The following TTC8 variants were observed in gnomAD, a reference collection of about 807,000 sequenced individuals.
TTC8 encodes tetratricopeptide repeat domain 8.
Under a neutral mutation model 72.5 loss-of-function variants are expected in TTC8, and 47 were observed. The ratio of observed to expected loss-of-function variants is 0.65; its 90% CI spans 0.51 to 0.83. The LOEUF (loss-of-function observed/expected upper bound fraction) is 0.83, where lower values mean the gene tolerates loss of function less well. Among genes scored for constraint, TTC8 ranks in the 40% least tolerant of loss-of-function variants. The probability of loss-of-function intolerance (pLI) is 0.00; values close to 1 mark genes in which losing one functional copy is unlikely to be tolerated. For synonymous variants in TTC8, 199 were observed against 221.4 expected (o/e 0.90, Z 0.90); for missense variants, 611 against 623.2 (o/e 0.98, Z 0.21).
At chr14:88,864,654 G>A (rs1348107764) in intron 10 of TTC8, among the ~76,000 whole-genome samples, 1 of 152,214 alleles carries the variant, frequency 6.6e-6, no homozygotes, top group Non-Finnish European at 1.5e-5. Flanking sequence ...GGAGAGGAAA[G>A]CATCTTAGCT....
intron 13 of TTC8, 111 bp downstream of exon 13, chr14:88,872,563 C>T: frequency 2.0e-6 from 3 of 1,484,486 alleles, no homozygotes; most frequent in Non-Finnish European, 2.8e-6. Flanking sequence ...TAGAATCTGA[C>T]AGGCGTGGAT....
rs1404238187 is a variant in TTC8 at position 88,872,344 on chromosome 14, A to G, written c.1239A>G (p.Thr413=). 1 of 1,613,732 alleles carries G rather than the reference A, an allele frequency of 6.2e-7. No homozygotes were observed. The highest frequency in any genetic ancestry group is 8.5e-7 in the Non-Finnish European group (1 of 1,179,856). The part of the protein sequence containing the change: ...LGHVAVGIGD[T]NLAHQCFRLA... Reference sequence around the variant, plus strand: ...TTCTTTTGTAGGGAATAGGAGATACAAATTTGGCCCATCAGTGCTTCAGGC... The same window carrying G: ...TTCTTTTGTAGGGAATAGGAGATACGAATTTGGCCCATCAGTGCTTCAGGC... Residue 413 remains threonine, a synonymous_variant, in exon 13 of 15, where the codon ACA becomes ACG. Coordinates refer to ENST00000380656, the MANE Select transcript of TTC8 (RefSeq NM_144596.4).
intron 10 of TTC8, among the ~76,000 whole-genome samples, chr14:88,866,603 A>ACCGCCCC (rs1195344048): frequency 1.3e-5 from 2 of 152,082 alleles, no homozygotes; most frequent in African/African-American, 4.8e-5. Flanking sequence ...CATTGACTAT[A>ACCGCCCC]CCGCCCCCCT....
chr14:88,840,596 G>T (rs2094775553), intron 3 of TTC8, among the ~76,000 whole-genome samples: 1 of 152,050 alleles, frequency 6.6e-6, no homozygotes, highest in South Asian at 2.1e-4. Context: ...CTACTAATAG[G>T]TTGACCTGTT....
chr14:88,853,096 G>A lies in TTC8; in HGVS notation c.710+40G>A, dbSNP rs371065813. On this transcript the variant is annotated intron_variant, in intron 8 of 14. Transcript: ENST00000380656. ...TTGTGAAGGGCTTAGAAGTGGCCAC[G>A]TATTTTAGGGTCTCAAATCTGATAC... 1,231 of 1,437,220 alleles carry A rather than the reference G, an allele frequency of 8.6e-4. 2 individuals are homozygous for A. Among genetic ancestry groups the A allele is most frequent in the Non-Finnish European group, 8.9e-4 (910 of 1,021,058 alleles). 89.0% of individuals were successfully genotyped at this position (1,437,220 alleles called of 1,614,324 possible).
chr14:88,874,848 A>G (rs1265497340), intron 13 of TTC8, among the ~76,000 whole-genome samples, 178 bp from the exon 14 acceptor site: 9 of 151,994 alleles, frequency 5.9e-5, no homozygotes, highest in African/African-American at 2.2e-4. Context: ...TCAGTAGTTA[A>G]TTGTATTTCA....
At chr14:88,879,521 G>T (rs1480843992), downstream of TTC8, 1 of 151,954 alleles carries the variant, frequency 6.6e-6, no homozygotes, top group Non-Finnish European at 1.5e-5. Flanking sequence ...ATGTGTCATG[G>T]CTGAGCCAGT....
At chr14:88,837,497 G>T (rs1183295391) in intron 2 of TTC8, among the ~76,000 whole-genome samples, 1 of 152,170 alleles carries the variant, frequency 6.6e-6, no homozygotes, top group Non-Finnish European at 1.5e-5. Context: ...TACTCAGGAT[G>T]TAGCATGCAG....
intron 8 of TTC8, among the ~76,000 whole-genome samples, chr14:88,856,908 C>G (rs1290973085): frequency 6.6e-6 from 1 of 152,110 alleles, no homozygotes. Context: ...GGGTGGTGAA[C>G]TGATGTGACC....
At chr14:88,862,505 A>C (rs2094890182) in intron 10 of TTC8, among the ~76,000 whole-genome samples, 1 of 126,568 alleles carries the variant, frequency 7.9e-6, no homozygotes, top group East Asian at 2.5e-4. Flanking sequence ...AAAAATTGAT[A>C]CTGACATTAC....
In TTC8 at chr14:88,871,988, G is replaced by A. The variant is rs1414932833; in HGVS notation, c.1224+265G>A. Among the ~76,000 whole-genome samples the A allele has an allele frequency of 6.6e-6, 1 of 152,180 alleles. No homozygotes were observed. Among genetic ancestry groups the A allele is most frequent in the Non-Finnish European group, 1.5e-5 (1 of 68,030 alleles). The stretch of plus-strand genomic sequence containing the variant: ...GATCACTTGGGCCTAGAAGGTCAAG[G>A]CTGCAGTGAGCTGTGATCGTAGCAC... On this transcript the variant is annotated intron_variant, in intron 12 of 14. Coordinates refer to ENST00000380656, the MANE Select transcript of TTC8 (RefSeq NM_144596.4). The surrounding 1 kb of genome is among the most constrained non-coding windows in gnomAD (Gnocchi z 4.1).
rs1204738200 is a variant in TTC8, at chr14:88,874,512, AACTGATCAGCACTATATTAAAT to A, written c.1348-510_1348-489del. ...TATTCAATTGCTGTCTCACTAACAA[AACTGATCAGCACTATATTAAAT>A]ACTTGCTCACTGTCATCCAGCACAG... is the stretch of plus-strand genomic sequence containing the variant. On this transcript the variant is annotated intron_variant, in intron 13 of 14. Coordinates refer to ENST00000380656, the MANE Select transcript of TTC8 (RefSeq NM_144596.4). 6.6e-5 allele frequency among the ~76,000 whole-genome samples: 10 copies of A among 152,182 alleles called. No individual in the cohort carries two copies. The East Asian group carries it at 1.9e-3, about 29-fold the overall frequency.
rs367897453 is a variant in TTC8, at chr14:88,857,232, C to T, written c.753C>T (p.Ala251=). The T allele has an allele frequency of 1.4e-5, 22 of 1,613,620 alleles. No individual in the cohort carries two copies. The highest frequency in any genetic ancestry group is 6.7e-5 in the Admixed American group (4 of 59,968). The change falls in exon 9 of 15, where the codon GCC becomes GCT. Residue 251 remains alanine, a synonymous_variant. Transcript: ENST00000380656. ...AAGCAGAAAAACAGTTTAAATCAGC[C>T]CTGAAGCAGCAGGAAATGGTAGATA... ...YREAEKQFKS[A]LKQQEMVDTF...
At chr14:88,866,103 C>G (rs1308640506) in intron 10 of TTC8, among the ~76,000 whole-genome samples, 1 of 151,916 alleles carries the variant, frequency 6.6e-6, no homozygotes, top group African/African-American at 2.4e-5. Flanking sequence ...GAAGAAAACA[C>G]AGATGAATTA....
At position 88,877,215 on chromosome 14, in the gene TTC8, A is replaced by G. The variant is rs1484785473; in HGVS notation, c.1432-79A>G. The stretch of plus-strand genomic sequence containing the variant: ...TGAATTTCTACAGCATGCAGATACT[A>G]TGTCTTATTTTCTTTTTTACTTCCT... On this transcript the variant is annotated intron_variant, in intron 14 of 14. Coordinates refer to ENST00000380656, the MANE Select transcript of TTC8 (RefSeq NM_144596.4). 1.2e-5 allele frequency: 12 copies of G among 1,012,318 alleles called. No homozygotes were observed. In the Admixed American group the frequency reaches 1.3e-4, roughly 11 times the overall value. 62.7% of individuals were successfully genotyped at this position (1,012,318 alleles called of 1,614,324 possible). A position where few individuals can be genotyped will look rare whatever the true frequency, so the allele number is the denominator to read the frequency against.
At chr14:88,849,051 T>C (rs2094821518) in intron 7 of TTC8, among the ~76,000 whole-genome samples, 1 of 152,228 alleles carries the variant, frequency 6.6e-6, no homozygotes, top group Non-Finnish European at 1.5e-5. Flanking sequence ...TTTGTTTTGT[T>C]CTTATTTAGT....
At chr14:88,875,524 A>C (rs925168358) in intron 14 of TTC8, among the ~76,000 whole-genome samples, 3 of 152,188 alleles carry the variant, frequency 2.0e-5, no homozygotes, top group Non-Finnish European at 4.4e-5. Flanking sequence ...TGTGAAAACT[A>C]TCTTAGCTAT....
chr14:88,865,830 T>C (rs1566855003), intron 10 of TTC8, among the ~76,000 whole-genome samples: 1 of 152,248 alleles, frequency 6.6e-6, no homozygotes, highest in South Asian at 2.1e-4. Flanking sequence ...ATTTTAAGTC[T>C]ACATTAATAA....
In TTC8 at chr14:88,875,051, C is replaced by T; in HGVS notation, c.1373C>T (p.Ser458Leu). The change falls in exon 14 of 15, where the codon TCA becomes TTA. Residue 458 changes from serine to leucine, a missense_variant. Coordinates refer to ENST00000380656, the MANE Select transcript of TTC8 (RefSeq NM_144596.4). ...EQARALLQTA[S>L]SLAPHMYEPH... ...GCAAGGGCACTATTACAAACTGCAT[C>T]ATCATTAGCACCCCATATGTATGAA... The T allele has an allele frequency of 6.2e-7, 1 of 1,612,626 alleles. No homozygotes were observed. The highest frequency in any genetic ancestry group is 1.1e-5 in the South Asian group (1 of 91,002).
Sources: allele counts gnomAD v4.1 joint callset (sites outside exome capture counted in the v4.1 genomes callset), GRCh38; gene constraint gnomAD v4.1.1; non-coding constraint Gnocchi (gnomAD v3.1); transcripts MANE v1.5; gene names NCBI Gene and HGNC (gene_info 2026-07-23, HGNC 2026-07-21).